Variants in PSG6 observed in about 807,000 individuals in gnomAD.
PSG6 encodes the protein pregnancy-specific beta-1-glycoprotein 6.
PSG6 carries 51 observed loss-of-function variants against 43.3 expected under a neutral mutation model. The ratio of observed to expected loss-of-function variants is 1.18; its 90% CI spans 0.94 to 1.49. PSG6 has a LOEUF of 1.49. Among genes scored for constraint, PSG6 ranks in the 40% most tolerant of loss-of-function variants. PSG6 has a pLI of 0.00. For missense variants in PSG6, 770 were observed against 522.2 expected (o/e 1.47, Z -4.62); for synonymous variants, 292 against 197.6 (o/e 1.48, Z -4.01).
intron 5 of PSG6, among the ~76,000 whole-genome samples, chr19:42,906,311 G>T (rs1352630298): frequency 6.6e-6 from 1 of 151,524 alleles, no homozygotes. Flanking sequence ...CCCGGGGGAG[G>T]CTTGGCTTCA....
rs779667630 is a variant in PSG6 at position 42,905,090 on chromosome 19, A to G, written c.1240+1832T>C. Among the ~76,000 whole-genome samples, 46 of 151,780 alleles carry G rather than the reference A, an allele frequency of 3.0e-4. 1 individual carries two copies. Among genetic ancestry groups the G allele is most frequent in the Admixed American group, 7.9e-4 (12 of 15,168 alleles). ...AAGGTGGATATCCAAGGGCAAGAAG[A>G]GTGGAACCTTTACCTAACACCATGT... On this transcript the variant is annotated intron_variant, in intron 5 of 5. Coordinates refer to ENST00000187910, the MANE Select transcript of PSG6 (RefSeq NM_001031850.4).
chr19:42,915,930 C>T (rs1395787370), intron 2 of PSG6, 195 bp downstream of exon 2: 1 of 857,658 alleles, frequency 1.2e-6, no homozygotes, highest in Non-Finnish European at 1.7e-6. Context: ...TCTGCAGGGT[C>T]TGGATGCGGG....
chr19:42,917,583 T>C lies in PSG6; in HGVS notation c.64+146A>G, dbSNP rs1486773288. ...CTACACTGTGTTGGCCAGACTGATC[T>C]TGAACTCCTGATCTCGTGATCCACC... On this transcript the variant is annotated intron_variant, in intron 1 of 5. Coordinates refer to ENST00000187910, the MANE Select transcript of PSG6 (RefSeq NM_001031850.4). 43 of 1,297,854 alleles carry C rather than the reference T, an allele frequency of 3.3e-5. 2 individuals are homozygous for C. Among genetic ancestry groups the C allele is most frequent in the Non-Finnish European group, 4.1e-5 (39 of 945,602 alleles). The allele number at this position is 1,297,854 out of a possible 1,614,324, so 80.4% of individuals were successfully genotyped here.
At chr19:42,913,799 C>A (rs1972271912) in intron 2 of PSG6, among the ~76,000 whole-genome samples, 1 of 151,632 alleles carries the variant, frequency 6.6e-6, no homozygotes, top group African/African-American at 2.4e-5. Flanking sequence ...GTGGCCCCTA[C>A]CTAGAGGCAG....
At chr19:42,903,862 C>T in intron 5 of PSG6, 1 of 1,139,778 alleles carries the variant, frequency 8.8e-7, no homozygotes, top group Non-Finnish European at 1.1e-6. Flanking sequence ...CACTGTATTC[C>T]ATCCTAGGGT....
At chr19:42,905,806 A>G (rs1217322782) in intron 5 of PSG6, among the ~76,000 whole-genome samples, 1 of 151,738 alleles carries the variant, frequency 6.6e-6, no homozygotes, top group Admixed American at 6.6e-5. Flanking sequence ...GCCAACTGAA[A>G]TAAGCCAGAC....
chr19:42,913,155 T>A (rs777428862), intron 2 of PSG6, among the ~76,000 whole-genome samples: 7 of 151,432 alleles, frequency 4.6e-5, no homozygotes, highest in African/African-American at 1.5e-4. Context: ...TTCATTTCTC[T>A]AACAGCATTT....
In PSG6 at chr19:42,910,645, T is replaced by A. The variant is rs1972202671; in HGVS notation, c.641A>T (p.Tyr214Phe). 2.5e-6 allele frequency: 4 copies of A among 1,612,402 alleles called. 1 individual carries two copies. Among genetic ancestry groups the A allele is most frequent in the Non-Finnish European group, 1.7e-6 (2 of 1,179,268 alleles). Residue 214 changes from tyrosine (Y) to phenylalanine (F), a missense_variant, in exon 3 of 6, where the codon TAT becomes TTT. Physicochemically the swap from Tyr to Phe is conservative, Grantham distance 22. Coordinates refer to ENST00000187910, the MANE Select transcript of PSG6 (RefSeq NM_001031850.4). ...CACTGGGTTCCGTATTTCACATTCA[T>A]AGGGTCCTGCAATATACTTTGTGAC... Reference protein sequence around the residue: ...FGVTKYIAGPYECEIRNPVSA... With the variant: ...FGVTKYIAGPFECEIRNPVSA...
At chr19:42,906,441 C>A (rs1439080505) in intron 5 of PSG6, among the ~76,000 whole-genome samples, 2 of 151,516 alleles carry the variant, frequency 1.3e-5, no homozygotes, top group Non-Finnish European at 2.9e-5. Flanking sequence ...GAGCCCGGAG[C>A]AGAGCAGGAA....
chr19:42,917,425 G>A (rs772000738), intron 1 of PSG6, among the ~76,000 whole-genome samples: 1 of 142,874 alleles, frequency 7.0e-6, no homozygotes, highest in Non-Finnish European at 1.5e-5. Flanking sequence ...GTGCAGTGGT[G>A]CTGTCTCGGC....
chr19:42,909,299 G>C (rs947781940), intron 3 of PSG6, among the ~76,000 whole-genome samples: 4 of 151,420 alleles, frequency 2.6e-5, no homozygotes, highest in African/African-American at 9.7e-5. Context: ...TGAAGGCTTT[G>C]GGATGTGAGA....
intron 2 of PSG6, chr19:42,915,467 C>T (rs1184978297): frequency 6.5e-6 from 1 of 153,460 alleles, no homozygotes; most frequent in African/African-American, 2.4e-5. Flanking sequence ...ATGGAGTGTC[C>T]TAGGCCTCCT....
chr19:42,914,674 C>T (rs1443054122), intron 2 of PSG6, among the ~76,000 whole-genome samples: 2 of 151,562 alleles, frequency 1.3e-5, no homozygotes, highest in African/African-American at 4.8e-5. Flanking sequence ...TGGCTAGAAC[C>T]TCCTAGGATT....
At chr19:42,916,660 G>A (rs538500766) in intron 1 of PSG6, among the ~76,000 whole-genome samples, 173 bp from the exon 2 acceptor site, 2 of 150,638 alleles carry the variant, frequency 1.3e-5, no homozygotes, top group African/African-American at 4.9e-5. Context: ...GTGTATGTGT[G>A]TGTGTCCTAC....
At position 42,906,687 on chromosome 19, in the gene PSG6, T is replaced by A. The variant is rs1972117956; in HGVS notation, c.1240+235A>T. ...TCTACCACATAGGGCTCAGGGCTGA[T>A]AAAGCCCCCTCCCTACCTTTCTCAG... On this transcript the variant is annotated intron_variant, in intron 5 of 5. Coordinates refer to ENST00000187910, the MANE Select transcript of PSG6 (RefSeq NM_001031850.4). 8 of 1,445,890 alleles carry A rather than the reference T, an allele frequency of 5.5e-6. 1 individual carries two copies. The East Asian group carries it at 2.0e-4, about 36-fold the overall frequency. The allele number at this position is 1,445,890 out of a possible 1,614,324, so 89.6% of individuals were successfully genotyped here. A position where few individuals can be genotyped will look rare whatever the true frequency, so the allele number is the denominator to read the frequency against.
intron 2 of PSG6, among the ~76,000 whole-genome samples, chr19:42,913,828 C>G (rs1466976443): frequency 6.6e-6 from 1 of 151,526 alleles, no homozygotes; most frequent in African/African-American, 2.4e-5. Context: ...ACTAACAGAT[C>G]ATTTCCCTCC....
rs1220942281 is a variant in PSG6 at position 42,910,689 on chromosome 19, C to A, written c.597G>T (p.Arg199Ser). Residue 199 changes from arginine to serine, a missense_variant, in exon 3 of 6, where the codon AGG (arginine) becomes AGT (serine). Physicochemically the swap from Arg to Ser is moderately radical, Grantham distance 110 (BLOSUM62 -1). Transcript: ENST00000187910. Reference protein sequence around the residue: ...THRLQLSKTNRTLYLFGVTKY... With the variant: ...THRLQLSKTNSTLYLFGVTKY... ...TTGTGACACCAAATAGATAGAGGGTCCTGTTGGTTTTGGACAGCTGCAACC... is the reference window on the plus strand; with the variant it reads ...TTGTGACACCAAATAGATAGAGGGTACTGTTGGTTTTGGACAGCTGCAACC... The A allele has an allele frequency of 1.2e-6, 2 of 1,612,294 alleles. No individual in the cohort carries two copies. Among genetic ancestry groups the A allele is most frequent in the Non-Finnish European group, 1.7e-6 (2 of 1,179,248 alleles).
intron 5 of PSG6, chr19:42,903,693 A>T: frequency 6.5e-7 from 1 of 1,530,658 alleles, no homozygotes; most frequent in Admixed American, 2.0e-5. Context: ...TGTTTGGACC[A>T]GCATAGGTAA....
intron 1 of PSG6, 51 bp from the exon 2 acceptor site, chr19:42,916,538 G>T: frequency 6.4e-7 from 1 of 1,567,610 alleles, no homozygotes; most frequent in Non-Finnish European, 8.6e-7. Flanking sequence ...GTATTGGGGT[G>T]AAAAGATGGG....
Sources: allele counts gnomAD v4.1 joint callset (sites outside exome capture counted in the v4.1 genomes callset), GRCh38; gene constraint gnomAD v4.1.1; transcripts MANE v1.5; gene names NCBI Gene and HGNC (gene_info 2026-07-23, HGNC 2026-07-21).